ZFP1: variants seen among roughly 807,000 people sequenced by gnomAD.
The protein encoded by ZFP1 is ZFP1 zinc finger protein, also known as zinc finger protein 1 homolog.
ZFP1 carries 32 observed loss-of-function variants against 38.5 expected under a neutral mutation model. The ratio of observed to expected loss-of-function variants is 0.83; its 90% CI spans 0.63 to 1.12. The LOEUF is 1.12. Ranked by LOEUF, ZFP1 falls within the 50% of genes most tolerant of loss-of-function variation. The probability of loss-of-function intolerance (pLI) is 0.00; values close to 1 mark genes in which losing one functional copy is unlikely to be tolerated. For missense variants in ZFP1, 616 were observed against 480.8 expected, an observed-to-expected ratio of 1.28 and a Z score of -2.63; for synonymous variants, 245 against 168.8, an observed-to-expected ratio of 1.45 and a Z score of -3.50.
At position 75,172,029 on chromosome 16, in the gene ZFP1, A is replaced by G. The variant is rs2038461185; in HGVS notation, c.*1695A>G. The G allele has an allele frequency of 6.6e-6, 1 of 152,242 alleles. No homozygotes were observed. The highest frequency in any genetic ancestry group is 2.4e-5 in the African/African-American group (1 of 41,470). 9.4% of individuals were successfully genotyped at this position (152,242 alleles called of 1,614,324 possible). On this transcript the variant is annotated 3_prime_UTR_variant, in exon 4 of 4. Transcript: ENST00000570010. ...ATTGTATTTTTTGGTAAGGACCAAA[A>G]AAACAAACAAAAAAAAGACCATCAG...
upstream of ZFP1, chr16:75,148,516 CG>C (rs984423850): frequency 1.3e-5 from 2 of 152,272 alleles, no homozygotes; most frequent in African/African-American, 4.8e-5. Context: ...GCGAGCGCGC[CG>C]GTGGCCGCCC....
At chr16:75,131,718 C>G in the ZFP1 span, among the ~76,000 whole-genome samples, 1 of 152,184 alleles carries the variant, frequency 6.6e-6, no homozygotes, top group Non-Finnish European at 1.5e-5. Flanking sequence ...AATCCCAGCA[C>G]TTTGGGAGGC....
At chr16:75,121,819 A>ACT in the ZFP1 span, among the ~76,000 whole-genome samples, 1 of 152,242 alleles carries the variant, frequency 6.6e-6, no homozygotes, top group Non-Finnish European at 1.5e-5. Flanking sequence ...TAACTCAGTA[A>ACT]AATTATTAAT....
At chr16:75,123,189 A>G in the ZFP1 span, among the ~76,000 whole-genome samples, 1 of 151,440 alleles carries the variant, frequency 6.6e-6, no homozygotes, top group African/African-American at 2.4e-5. Context: ...CCTCATCTCT[A>G]TTAAAAATGC....
chr16:75,132,031 G>T, the ZFP1 span, among the ~76,000 whole-genome samples: 1 of 151,862 alleles, frequency 6.6e-6, no homozygotes, highest in East Asian at 1.9e-4. Flanking sequence ...TGGTTGATGC[G>T]TCTCATAAAT....
chr16:75,166,294 G>C (rs1414715225), intron 2 of ZFP1, among the ~76,000 whole-genome samples: 1 of 152,166 alleles, frequency 6.6e-6, no homozygotes, highest in Non-Finnish European at 1.5e-5. Context: ...GTATAGTGGT[G>C]CAGTCTTGGC....
the ZFP1 span, among the ~76,000 whole-genome samples, chr16:75,141,619 T>G: frequency 8.5e-5 from 13 of 152,132 alleles, no homozygotes; most frequent in South Asian, 2.7e-3. Flanking sequence ...GTGTAGTGGC[T>G]CACGCCTATA....
chr16:75,158,054 C>A (rs572889159), intron 2 of ZFP1, among the ~76,000 whole-genome samples: 154 of 152,028 alleles, frequency 1.0e-3, no homozygotes, highest in East Asian at 3.9e-4. Flanking sequence ...TCCCAAAGTT[C>A]TGGGATTACA....
upstream of ZFP1, among the ~76,000 whole-genome samples, chr16:75,145,165 G>A (rs1215413781): frequency 6.6e-6 from 1 of 152,208 alleles, no homozygotes; most frequent in African/African-American, 2.4e-5. Context: ...ATGAACATTG[G>A]TGTAAACACC....
the ZFP1 span, among the ~76,000 whole-genome samples, chr16:75,140,467 G>C: frequency 6.6e-6 from 1 of 152,084 alleles, no homozygotes. Flanking sequence ...GACCTCCTTA[G>C]CAATGAACAC....
At chr16:75,157,011 A>G (rs2037500467) in intron 2 of ZFP1, 1 of 152,214 alleles carries the variant, frequency 6.6e-6, no homozygotes, top group Non-Finnish European at 1.5e-5. Context: ...ACTGTGTTCC[A>G]GTCCGTAACT....
the ZFP1 span, among the ~76,000 whole-genome samples, chr16:75,138,521 C>G: frequency 6.6e-6 from 1 of 152,220 alleles, no homozygotes. Context: ...ATCACGTCCT[C>G]CCAAAGCTCA....
chr16:75,130,572 C>T, the ZFP1 span, among the ~76,000 whole-genome samples: 70 of 152,272 alleles, frequency 4.6e-4, no homozygotes, highest in Non-Finnish European at 6.0e-4. Context: ...CTCCTGAGAT[C>T]TTATTGGGAA....
In ZFP1 at chr16:75,166,821, G is replaced by C. The variant is rs144244672; in HGVS notation, c.67G>C (p.Glu23Gln). The stretch of plus-strand genomic sequence containing the variant: ...TGTGGACTTTACCCAGGAGGAATGG[G>C]AACAACTGGACCCCTCTCAGAGGAT... ...VTVDFTQEEWEQLDPSQRILY... is the reference protein window; with the variant it reads ...VTVDFTQEEWQQLDPSQRILY... Residue 23 changes from glutamate to glutamine, a missense_variant, in exon 3 of 4, where the codon GAA becomes CAA. Transcript: ENST00000570010. The C allele has an allele frequency of 3.2e-3, 5,241 of 1,614,154 alleles. 20 individuals carry two copies. The highest frequency in any genetic ancestry group is 0.022 in the Middle Eastern group (132 of 6,060).
At chr16:75,161,757 A>AATATACATATATATATATATATAT (rs2037789065) in intron 2 of ZFP1, among the ~76,000 whole-genome samples, 1 of 14,302 alleles carries the variant, frequency 7.0e-5, no homozygotes, top group African/African-American at 2.7e-4. Flanking sequence ...AGTTTTATGA[A>AATATACATATATATATATATATAT]ATATATATAT....
At chr16:75,132,353 A>T in the ZFP1 span, among the ~76,000 whole-genome samples, 1 of 149,862 alleles carries the variant, frequency 6.7e-6, no homozygotes, top group African/African-American at 2.5e-5. Context: ...CATGCCACTG[A>T]GCAACAGAGT....
chr16:75,128,485 A>G, the ZFP1 span, among the ~76,000 whole-genome samples: 1 of 152,256 alleles, frequency 6.6e-6, no homozygotes, highest in Admixed American at 6.5e-5. Context: ...GAAACTAGAG[A>G]GAGGAAAATT....
chr16:75,132,230 A>G, the ZFP1 span, among the ~76,000 whole-genome samples: 1 of 152,050 alleles, frequency 6.6e-6, no homozygotes, highest in Non-Finnish European at 1.5e-5. Flanking sequence ...TCTACCAAAG[A>G]TATAAAAAAT....
chr16:75,167,175 G>C (rs956378171), intron 3 of ZFP1, among the ~76,000 whole-genome samples: 1 of 152,232 alleles, frequency 6.6e-6, no homozygotes, highest in Admixed American at 6.5e-5. Flanking sequence ...GTAGCATAGA[G>C]TTGTCAATTC....
Sources: gnomAD v4.1 joint callset for allele counts (sites outside exome capture counted in the v4.1 genomes callset) on GRCh38, gnomAD v4.1.1 for gene constraint, MANE v1.5 for transcripts, NCBI Gene and HGNC (gene_info 2026-07-23, HGNC 2026-07-21) for gene names.